The following RNF182 variants were observed in gnomAD, a reference collection of about 807,000 sequenced individuals.
The protein encoded by RNF182 is ring finger protein 182, also known as E3 ubiquitin-protein ligase RNF182.
In RNF182, 15 loss-of-function variants were observed where a neutral mutation model predicts 14.4. The ratio of observed to expected loss-of-function variants is 1.04; its 90% CI spans 0.70 to 1.60. The LOEUF (loss-of-function observed/expected upper bound fraction) is 1.60. Ranked by LOEUF, RNF182 falls within the 40% of genes most tolerant of loss-of-function variation. The pLI, the probability that RNF182 is intolerant of heterozygous loss-of-function variation, is 0.00. For synonymous variants in RNF182, 128 were observed against 122.9 expected, an observed-to-expected ratio of 1.04 and a Z score of -0.27; for missense variants, 268 against 294.8, an observed-to-expected ratio of 0.91 and a Z score of 0.67.
intron 1 of RNF182, among the ~76,000 whole-genome samples, chr6:13,965,896 TAG>T (rs1760013497): frequency 1.3e-5 from 2 of 152,240 alleles, no homozygotes; most frequent in Admixed American, 1.3e-4. Context: ...AAACAGGAAC[TAG>T]AGAGGGGCAA....
At chr6:13,945,676 T>A (rs537328974) in intron 1 of RNF182, among the ~76,000 whole-genome samples, 5 of 152,350 alleles carry the variant, frequency 3.3e-5, no homozygotes, top group African/African-American at 1.2e-4. Context: ...GACCTATTAG[T>A]TTATGCTATT....
At chr6:13,965,591 A>G (rs1226101551) in intron 1 of RNF182, among the ~76,000 whole-genome samples, 2 of 152,200 alleles carry the variant, frequency 1.3e-5, no homozygotes, top group African/African-American at 4.8e-5. Flanking sequence ...AGAGCAAATT[A>G]CTTACCATGA....
intron 1 of RNF182, among the ~76,000 whole-genome samples, chr6:13,955,406 T>G (rs554815931): frequency 5.3e-5 from 8 of 152,258 alleles, no homozygotes; most frequent in African/African-American, 1.9e-4. Context: ...AAGCTGCATA[T>G]AAAGAAAAGG....
At chr6:13,972,708 CA>C (rs1760222474) in intron 1 of RNF182, among the ~76,000 whole-genome samples, 1 of 152,134 alleles carries the variant, frequency 6.6e-6, no homozygotes, top group African/African-American at 2.4e-5. Context: ...TGTGGGTGCA[CA>C]GAAGTCGAGA....
intron 1 of RNF182, among the ~76,000 whole-genome samples, chr6:13,950,204 G>A (rs1759552596): frequency 6.6e-6 from 1 of 152,182 alleles, no homozygotes; most frequent in Non-Finnish European, 1.5e-5. Flanking sequence ...CTTGGTGAGT[G>A]AGCGATTTTA....
intron 1 of RNF182, among the ~76,000 whole-genome samples, chr6:13,969,144 C>T (rs1372843601): frequency 1.3e-5 from 2 of 152,090 alleles, no homozygotes; most frequent in African/African-American, 4.8e-5. Context: ...TTTACCTCTG[C>T]CTCTTGTTTT....
chr6:13,960,641 TGGAGGG>T (rs1561784289), intron 1 of RNF182, among the ~76,000 whole-genome samples: 1 of 142,984 alleles, frequency 7.0e-6, no homozygotes, highest in Non-Finnish European at 1.5e-5. Context: ...ACTTTTTTGA[TGGAGGG>T]AGAGAGAGAG....
At chr6:13,966,721 CCACTGCACTCCAGCCTGGGCGA>C (rs1760037804) in intron 1 of RNF182, among the ~76,000 whole-genome samples, 1 of 152,094 alleles carries the variant, frequency 6.6e-6, no homozygotes, top group Non-Finnish European at 1.5e-5. Flanking sequence ...TGAGATCATG[CCACTGCACTCCAGCCTGGGCGA>C]CAGATCAGGA....
Position 13,978,207 on chromosome 6 carries a change from A to G in RNF182, c.*344A>G, listed in dbSNP as rs745842065. On this transcript the variant is annotated 3_prime_UTR_variant, in exon 3 of 3. Coordinates refer to ENST00000488300, the MANE Select transcript of RNF182 (RefSeq NM_152737.4). ...AGCATGGATCCCTCCTTTCGTATTCATGGATGTTCTATGATGGCAGTTGGA... is the reference window on the plus strand; with the variant it reads ...AGCATGGATCCCTCCTTTCGTATTCGTGGATGTTCTATGATGGCAGTTGGA... 3.0e-5 allele frequency: 6 copies of G among 202,546 alleles called. No individual in the cohort carries two copies. The highest frequency in any genetic ancestry group is 5.3e-5 in the Admixed American group (1 of 18,734). 12.5% of individuals were successfully genotyped at this position (202,546 alleles called of 1,614,324 possible).
intron 1 of RNF182, among the ~76,000 whole-genome samples, chr6:13,962,308 G>C (rs1006170392): frequency 2.0e-5 from 3 of 152,170 alleles, no homozygotes; most frequent in African/African-American, 7.2e-5. Context: ...CGGGTTTTGT[G>C]AATGAGCAAT....
intron 1 of RNF182, among the ~76,000 whole-genome samples, chr6:13,947,444 C>T (rs1759467749): frequency 6.6e-6 from 1 of 152,000 alleles, no homozygotes; most frequent in African/African-American, 2.4e-5. Flanking sequence ...AAATTTTAGT[C>T]TTATTGTATG....
At chr6:13,948,731 A>G (rs886352213) in intron 1 of RNF182, among the ~76,000 whole-genome samples, 5 of 152,186 alleles carry the variant, frequency 3.3e-5, no homozygotes, top group African/African-American at 1.2e-4. Context: ...ATAGAATCTC[A>G]GGTCACTGTA....
Position 13,978,579 on chromosome 6 carries a change from G to A in RNF182, c.*716G>A, listed in dbSNP as rs1760408839. Reference sequence around the variant, plus strand: ...CCATGTCTGTTTTCCTCTCTCCTCAGTCTTATCTGAGAAGAATGGAGGAGA... The same window carrying A: ...CCATGTCTGTTTTCCTCTCTCCTCAATCTTATCTGAGAAGAATGGAGGAGA... On this transcript the variant is annotated 3_prime_UTR_variant, in exon 3 of 3. Transcript: ENST00000488300. The A allele has an allele frequency of 6.0e-6, 1 of 165,430 alleles. No homozygotes were observed. Among genetic ancestry groups the A allele is most frequent in the African/African-American group, 2.4e-5 (1 of 41,168 alleles). The allele number at this position is 165,430 out of a possible 1,614,324, so 10.2% of individuals were successfully genotyped here. A position where few individuals can be genotyped will look rare whatever the true frequency, so the allele number is the denominator to read the frequency against.
At chr6:13,949,413 C>G (rs1225955436) in intron 1 of RNF182, 2 of 736,878 alleles carry the variant, frequency 2.7e-6, no homozygotes, top group African/African-American at 3.5e-5. Flanking sequence ...AAGAGAAAGA[C>G]TGTGAAAGCT....
chr6:13,977,607 C>G lies in RNF182; in HGVS notation c.488C>G (p.Thr163Ser). 1 of 1,614,214 alleles carries G rather than the reference C, an allele frequency of 6.2e-7. No individual in the cohort carries two copies. Among genetic ancestry groups the G allele is most frequent in the Non-Finnish European group, 8.5e-7 (1 of 1,180,036 alleles). ...YRPASFDSVT[T>S]VSHNWTVWNC... is the part of the protein sequence containing the mutation. Reference sequence around the variant, plus strand: ...CCTGCGAGTTTCGACTCTGTCACCACTGTGTCACACAACTGGACTGTGTGG... The same window carrying G: ...CCTGCGAGTTTCGACTCTGTCACCAGTGTGTCACACAACTGGACTGTGTGG... The change falls in exon 3 of 3, where the codon ACT becomes AGT. Residue 163 changes from threonine (T) to serine (S), a missense_variant. By Grantham distance (58) the Thr-to-Ser change is moderately conservative. Transcript: ENST00000488300.
chr6:13,949,235 A>G, intron 1 of RNF182: 1 of 790,524 alleles, frequency 1.3e-6, no homozygotes. Flanking sequence ...TGGACGTTTT[A>G]GTCATATTCA....
At chr6:13,972,610 T>C (rs925242339) in intron 1 of RNF182, among the ~76,000 whole-genome samples, 8 of 152,058 alleles carry the variant, frequency 5.3e-5, no homozygotes, top group African/African-American at 1.9e-4. Context: ...ATCCTAGCCA[T>C]GGCTAAAAGG....
At chr6:13,967,696 G>A (rs1248940791) in intron 1 of RNF182, among the ~76,000 whole-genome samples, 1 of 151,968 alleles carries the variant, frequency 6.6e-6, no homozygotes, top group Non-Finnish European at 1.5e-5. Context: ...ATTTTATTTA[G>A]AAATTTAAGA....
intron 1 of RNF182, among the ~76,000 whole-genome samples, chr6:13,938,175 A>ATTTTTTTTTTTT (rs1169253099): frequency 1.1e-5 from 1 of 92,690 alleles, no homozygotes; most frequent in African/African-American, 4.3e-5. Flanking sequence ...AATTTTTTGT[A>ATTTTTTTTTTTT]TTTTTTTTTT....
Sources: allele counts gnomAD v4.1 joint callset (sites outside exome capture counted in the v4.1 genomes callset), GRCh38; gene constraint gnomAD v4.1.1; transcripts MANE v1.5; gene names NCBI Gene and HGNC (gene_info 2026-07-23, HGNC 2026-07-21).